Variants in AGBL4 observed in about 807,000 individuals in gnomAD.
AGBL4 encodes AGBL carboxypeptidase 4.
A neutral mutation model predicts 66.4 loss-of-function variants in AGBL4; 58 were observed. That is an observed-to-expected ratio of 0.87 (90% CI 0.71 to 1.09). The LOEUF (loss-of-function observed/expected upper bound fraction) is 1.09. Among genes scored for constraint, AGBL4 ranks in the 50% least tolerant of loss-of-function variants. The probability of loss-of-function intolerance (pLI) is 0.00; values close to 1 mark genes in which losing one functional copy is unlikely to be tolerated. For synonymous variants in AGBL4, 234 were observed against 222.9 expected (o/e 1.05, Z -0.44); for missense variants, 579 against 631.0 (o/e 0.92, Z 0.88).
At chr1:49,066,381 G>A (rs1377667314) in intron 4 of AGBL4, among the ~76,000 whole-genome samples, 3 of 152,142 alleles carry the variant, frequency 2.0e-5, no homozygotes, top group Admixed American at 6.5e-5. Flanking sequence ...GTGAAACCCC[G>A]TCTCTACTAA....
intron 5 of AGBL4, among the ~76,000 whole-genome samples, chr1:48,926,299 A>G (rs1654565021): frequency 1.7e-5 from 2 of 120,228 alleles, no homozygotes; most frequent in Admixed American, 1.8e-4. Context: ...TTATTTTTGG[A>G]GGCAGAGTCT....
intron 3 of AGBL4, among the ~76,000 whole-genome samples, chr1:49,575,786 T>G (rs1044254376): frequency 4.6e-5 from 7 of 152,180 alleles, no homozygotes; most frequent in Non-Finnish European, 1.0e-4. Flanking sequence ...CAGAAGCAAT[T>G]TGCCTTCAGC....
intron 3 of AGBL4, chr1:49,527,397 C>G (rs1203111648): frequency 6.6e-6 from 1 of 152,496 alleles, no homozygotes; most frequent in African/African-American, 2.4e-5. Context: ...AACACCCTGA[C>G]CTCAGGGCTT....
intron 8 of AGBL4, among the ~76,000 whole-genome samples, chr1:48,636,458 A>G (rs1191212087): frequency 6.6e-6 from 1 of 152,222 alleles, no homozygotes; most frequent in Non-Finnish European, 1.5e-5. Context: ...AGGCTTAGAA[A>G]ATGTAAATAA....
At chr1:49,838,445 A>G (rs1645907999) in intron 2 of AGBL4, among the ~76,000 whole-genome samples, 1 of 152,350 alleles carries the variant, frequency 6.6e-6, no homozygotes, top group African/African-American at 2.4e-5. Context: ...CGATTTTCAG[A>G]ATTTTGTCCC....
chr1:49,832,395 A>G (rs1331579422), intron 2 of AGBL4, among the ~76,000 whole-genome samples: 6 of 150,358 alleles, frequency 4.0e-5, no homozygotes, highest in Non-Finnish European at 1.5e-5. Context: ...CCAGTCTATC[A>G]TTGTTGGACA....
intron 5 of AGBL4, among the ~76,000 whole-genome samples, chr1:48,916,268 T>C (rs140147304): frequency 6.6e-6 from 1 of 152,306 alleles, no homozygotes; most frequent in Admixed American, 6.5e-5. Context: ...ATGGTTCCCC[T>C]GCAGTTAGAG....
rs114231997 is a variant in AGBL4, at chr1:48,826,964, T to C, written c.634+40227A>G. ...TAGGCTCTGCACTCTTTCACCACTA[T>C]GCTTTTCCCACTGCCTGAATATTCT... On this transcript the variant is annotated intron_variant, in intron 6 of 13. Transcript: ENST00000371839. Among the ~76,000 whole-genome samples, 1,321 of 152,280 alleles carry C rather than the reference T, an allele frequency of 8.7e-3. 22 individuals carry two copies. The highest frequency in any genetic ancestry group is 0.03 in the African/African-American group (1,261 of 41,552).
At chr1:49,568,487 T>TCACACAAACACACA (rs1553229223) in intron 3 of AGBL4, among the ~76,000 whole-genome samples, 1 of 131,206 alleles carries the variant, frequency 7.6e-6, no homozygotes, top group Non-Finnish European at 1.6e-5. Flanking sequence ...AAATAAGTGA[T>TCACACAAACACACA]CACACACACA....
intron 6 of AGBL4, among the ~76,000 whole-genome samples, chr1:48,823,720 A>T (rs1015851853): frequency 6.6e-6 from 1 of 152,196 alleles, no homozygotes; most frequent in African/African-American, 2.4e-5. Context: ...GTCAGGAATA[A>T]ATCTGATTCT....
At position 49,880,620 on chromosome 1, in the gene AGBL4, T is replaced by C. The variant is rs534726937; in HGVS notation, c.35-29102A>G. Reference sequence around the variant, plus strand: ...GGTTACTGCTGTCTTTTTGTTTGTCTGTGCCCTGCCCCCAGAGGTGGAGCC... The same window carrying C: ...GGTTACTGCTGTCTTTTTGTTTGTCCGTGCCCTGCCCCCAGAGGTGGAGCC... On this transcript the variant is annotated intron_variant, in intron 1 of 13. Coordinates refer to ENST00000371839, the MANE Select transcript of AGBL4 (RefSeq NM_032785.4). Among the ~76,000 whole-genome samples the C allele has an allele frequency of 1.9e-3, 285 of 152,254 alleles. 4 individuals are homozygous for C. The highest frequency in any genetic ancestry group is 6.7e-3 in the African/African-American group (277 of 41,528).
chr1:49,721,583 A>G (rs780409095), intron 2 of AGBL4, among the ~76,000 whole-genome samples: 2 of 152,156 alleles, frequency 1.3e-5, no homozygotes, highest in Non-Finnish European at 2.9e-5. Flanking sequence ...CTTTTAAGTG[A>G]AAGAGTGACA....
chr1:48,563,389 T>C (rs1569802274), intron 11 of AGBL4, among the ~76,000 whole-genome samples: 1 of 152,198 alleles, frequency 6.6e-6, no homozygotes, highest in East Asian at 1.9e-4. Flanking sequence ...GGGCAGAGAC[T>C]GGCCTCATCC....
chr1:49,683,138 A>T (rs1053728413), intron 3 of AGBL4, among the ~76,000 whole-genome samples: 3 of 151,690 alleles, frequency 2.0e-5, no homozygotes, highest in South Asian at 4.1e-4. Flanking sequence ...ATTTTCAATT[A>T]AAAAAAACAT....
intron 6 of AGBL4, chr1:48,742,858 T>C: frequency 1.5e-6 from 2 of 1,337,286 alleles, no homozygotes; most frequent in Non-Finnish European, 2.0e-6. Flanking sequence ...CAGCACACCA[T>C]GGCACAAAAA....
chr1:48,884,215 C>G (rs1650066407), intron 5 of AGBL4, among the ~76,000 whole-genome samples: 1 of 152,206 alleles, frequency 6.6e-6, no homozygotes, highest in Non-Finnish European at 1.5e-5. Flanking sequence ...GTATTTTTTA[C>G]AAACCTGAAT....
intron 3 of AGBL4, among the ~76,000 whole-genome samples, chr1:49,329,669 C>T (rs1035325261): frequency 1.1e-4 from 17 of 151,592 alleles, no homozygotes; most frequent in African/African-American, 2.7e-4. Flanking sequence ...CCCCGCCCCC[C>T]GCCAAAAAAA....
intron 3 of AGBL4, among the ~76,000 whole-genome samples, chr1:49,423,316 G>A (rs1018149460): frequency 5.9e-5 from 9 of 152,140 alleles, no homozygotes; most frequent in African/African-American, 2.2e-4. Flanking sequence ...TATTTAGCAG[G>A]ATGCTGGCAG....
At chr1:49,986,347 T>C (rs1303573245) in intron 1 of AGBL4, among the ~76,000 whole-genome samples, 9 of 152,228 alleles carry the variant, frequency 5.9e-5, no homozygotes, top group African/African-American at 2.2e-4. Flanking sequence ...TTACTGCCCA[T>C]TTCTTTAACT....
Sources: gnomAD v4.1 joint callset for allele counts (sites outside exome capture counted in the v4.1 genomes callset) on GRCh38, gnomAD v4.1.1 for gene constraint, MANE v1.5 for transcripts, NCBI Gene and HGNC (gene_info 2026-07-23, HGNC 2026-07-21) for gene names.